ASAP1: variants seen among roughly 807,000 people sequenced by gnomAD.
ASAP1 encodes arf-GAP with SH3 domain, ANK repeat and PH domain-containing protein 1.
ASAP1 carries 43 observed loss-of-function variants against 145.2 expected under a neutral mutation model. That is an observed-to-expected ratio of 0.30 (90% CI 0.23 to 0.38). The LOEUF (loss-of-function observed/expected upper bound fraction) is 0.38. Ranked by LOEUF, ASAP1 falls within the 10% of genes least tolerant of loss-of-function variation. The pLI is 1.00. For synonymous variants in ASAP1, 546 were observed against 515.5 expected (o/e 1.06, Z -0.80); for missense variants, 1,018 against 1,355.3 (o/e 0.75, Z 3.91).
intron 3 of ASAP1, among the ~76,000 whole-genome samples, chr8:130,309,484 C>T (rs186105196): frequency 2.2e-4 from 34 of 152,214 alleles, no homozygotes; most frequent in Admixed American, 7.8e-4. Context: ...TGAATGGACA[C>T]ATCATAAGAT....
At chr8:130,118,015 ATGCC>A (rs768537030) in intron 20 of ASAP1, 142 bp downstream of exon 20, 6 of 555,192 alleles carry the variant, frequency 1.1e-5, no homozygotes, top group African/African-American at 5.7e-5. Context: ...GAGAGACTTC[ATGCC>A]TGCAAAGCCA....
chr8:130,354,290 G>A (rs1298478033), intron 3 of ASAP1, among the ~76,000 whole-genome samples: 1 of 152,132 alleles, frequency 6.6e-6, no homozygotes, highest in East Asian at 1.9e-4. Context: ...CTATAAAATG[G>A]AAACGATAAA....
At chr8:130,090,647 G>A (rs1356724802) in intron 25 of ASAP1, among the ~76,000 whole-genome samples, 2 of 152,152 alleles carry the variant, frequency 1.3e-5, no homozygotes, top group South Asian at 4.1e-4. Flanking sequence ...TAAAGAACAT[G>A]TGCTCTAATG....
chr8:130,277,094 C>T (rs1471408250), intron 3 of ASAP1, among the ~76,000 whole-genome samples: 1 of 152,088 alleles, frequency 6.6e-6, no homozygotes, highest in Non-Finnish European at 1.5e-5. Context: ...ATGCAGGCAC[C>T]GAGGGCCCCC....
At chr8:130,299,574 C>T (rs1822497534) in intron 3 of ASAP1, among the ~76,000 whole-genome samples, 1 of 152,158 alleles carries the variant, frequency 6.6e-6, no homozygotes, top group Admixed American at 6.5e-5. Context: ...AGTTGCTATA[C>T]TATTGAGATG....
intron 5 of ASAP1, among the ~76,000 whole-genome samples, chr8:130,189,520 G>A (rs1814987082): frequency 6.6e-6 from 1 of 152,118 alleles, no homozygotes; most frequent in Non-Finnish European, 1.5e-5. Context: ...ATTCCATTGT[G>A]TATATATACT....
chr8:130,443,568 G>A lies in ASAP1; in HGVS notation c.-136C>T, dbSNP rs952078905. 8 of 151,008 alleles carry A rather than the reference G, an allele frequency of 5.3e-5. No individual in the cohort carries two copies. The highest frequency in any genetic ancestry group is 1.9e-4 in the African/African-American group (8 of 41,322). 9.4% of individuals were successfully genotyped at this position (151,008 alleles called of 1,614,324 possible). On this transcript the variant is annotated 5_prime_UTR_variant, in exon 1 of 30. Transcript: ENST00000518721. ...ACCGGGAAGCGCCGGCTGGGCGGGAGGCGCGGGCCCGGGGCTGCCCAGCGC... is the reference window on the plus strand; with the variant it reads ...ACCGGGAAGCGCCGGCTGGGCGGGAAGCGCGGGCCCGGGGCTGCCCAGCGC...
At chr8:130,170,731 ATCTC>A (rs140376720) in intron 9 of ASAP1, among the ~76,000 whole-genome samples, 4 of 149,798 alleles carry the variant, frequency 2.7e-5, no homozygotes, top group African/African-American at 4.9e-5. Flanking sequence ...GTAAAGCCTC[ATCTC>A]TCTCTCTCTC....
intron 3 of ASAP1, among the ~76,000 whole-genome samples, chr8:130,346,544 G>A (rs1825713142): frequency 6.6e-6 from 1 of 152,206 alleles, no homozygotes; most frequent in Non-Finnish European, 1.5e-5. Flanking sequence ...TGAAGAAACA[G>A]CACCCACCCC....
chr8:130,354,299 A>C (rs1031781446), intron 3 of ASAP1, among the ~76,000 whole-genome samples: 4 of 152,178 alleles, frequency 2.6e-5, no homozygotes, highest in African/African-American at 9.7e-5. Flanking sequence ...GGAAACGATA[A>C]ATGTTCCTCT....
intron 3 of ASAP1, among the ~76,000 whole-genome samples, chr8:130,347,234 A>G (rs1305590336): frequency 1.3e-5 from 2 of 152,180 alleles, no homozygotes; most frequent in Non-Finnish European, 2.9e-5. Flanking sequence ...GCCATACCCT[A>G]TGTGGAATGT....
chr8:130,223,253 T>TCA (rs1817400686), intron 4 of ASAP1, among the ~76,000 whole-genome samples: 1 of 152,044 alleles, frequency 6.6e-6, no homozygotes, highest in African/African-American at 2.4e-5. Context: ...TGGTGAAAGA[T>TCA]CACACAGAAC....
intron 2 of ASAP1, among the ~76,000 whole-genome samples, chr8:130,399,379 T>G (rs1828673318): frequency 1.3e-5 from 2 of 152,210 alleles, no homozygotes; most frequent in Non-Finnish European, 2.9e-5. Flanking sequence ...GTTATTGCAA[T>G]TATAATTAAT....
At chr8:130,404,419 G>C (rs539571114) in intron 1 of ASAP1, among the ~76,000 whole-genome samples, 13 of 152,232 alleles carry the variant, frequency 8.5e-5, no homozygotes, top group Non-Finnish European at 1.3e-4. Context: ...AATCAGGACA[G>C]TGTGGTACTG....
At chr8:130,304,472 T>C (rs913784330) in intron 3 of ASAP1, among the ~76,000 whole-genome samples, 6 of 152,224 alleles carry the variant, frequency 3.9e-5, no homozygotes, top group Non-Finnish European at 7.3e-5. Flanking sequence ...TTTTAACCTA[T>C]GAACCTGGTC....
At chr8:130,088,685 C>A (rs963758617) in intron 25 of ASAP1, among the ~76,000 whole-genome samples, 2 of 152,150 alleles carry the variant, frequency 1.3e-5, no homozygotes, top group African/African-American at 4.8e-5. Context: ...ATCCAGTTTG[C>A]GGTATGCGTT....
chr8:130,356,572 C>A (rs896779286), intron 3 of ASAP1, among the ~76,000 whole-genome samples: 1 of 152,098 alleles, frequency 6.6e-6, no homozygotes, highest in Admixed American at 6.5e-5. Flanking sequence ...AATCCATTTA[C>A]CTCTGGTTTT....
intron 3 of ASAP1, among the ~76,000 whole-genome samples, chr8:130,294,598 G>C (rs1160216235): frequency 6.6e-6 from 1 of 152,212 alleles, no homozygotes; most frequent in Non-Finnish European, 1.5e-5. Flanking sequence ...GTATGTTTAA[G>C]TGTCCAACAC....
At chr8:130,406,680 A>G (rs1202219608) in intron 1 of ASAP1, among the ~76,000 whole-genome samples, 1 of 151,924 alleles carries the variant, frequency 6.6e-6, no homozygotes, top group Non-Finnish European at 1.5e-5. Context: ...ATGGGGTTTC[A>G]TCATGTTGAC....
Sources: gnomAD v4.1 joint callset for allele counts (sites outside exome capture counted in the v4.1 genomes callset) on GRCh38, gnomAD v4.1.1 for gene constraint, MANE v1.5 for transcripts, NCBI Gene and HGNC (gene_info 2026-07-23, HGNC 2026-07-21) for gene names.